Variants in LRBA observed in about 807,000 individuals in gnomAD.
LRBA encodes LPS responsive beige-like anchor protein.
Under a neutral mutation model 330.0 loss-of-function variants are expected in LRBA, and 176 were observed. The observed-to-expected ratio is 0.53, with a 90% CI of 0.47 to 0.60. The LOEUF is 0.60. LRBA is among the 20% of genes least tolerant of loss of function. LRBA has a pLI of 0.00. For missense variants in LRBA, 3,259 were observed against 3,444.8 expected, an observed-to-expected ratio of 0.95 and a Z score of 1.35; for synonymous variants, 1,230 against 1,193.0, an observed-to-expected ratio of 1.03 and a Z score of -0.64.
intron 44 of LRBA, among the ~76,000 whole-genome samples, chr4:150,460,904 G>C (rs72955894): frequency 0.066 from 9,983 of 151,742 alleles, 532 homozygotes; most frequent in East Asian, 0.18. Flanking sequence ...TCTTTTACTA[G>C]GATAGTAATG....
chr4:150,464,754 C>T (rs911152851), intron 44 of LRBA, among the ~76,000 whole-genome samples: 6 of 152,030 alleles, frequency 3.9e-5, no homozygotes, highest in African/African-American at 1.2e-4. Context: ...ATGTGTCAGT[C>T]ACAACCCATC....
intron 47 of LRBA, among the ~76,000 whole-genome samples, chr4:150,413,050 T>C (rs181462280): frequency 1.3e-5 from 2 of 151,942 alleles, no homozygotes; most frequent in East Asian, 3.9e-4. Flanking sequence ...AGGCAAAATA[T>C]TTGAATGGAT....
chr4:150,302,402 A>C (rs1206817237), intron 53 of LRBA, among the ~76,000 whole-genome samples: 2 of 152,186 alleles, frequency 1.3e-5, no homozygotes, highest in Non-Finnish European at 2.9e-5. Flanking sequence ...TTGGATCATA[A>C]GAATAGCCTA....
At position 150,831,901 on chromosome 4, in the gene LRBA, T is replaced by C; in HGVS notation, c.4645A>G (p.Arg1549Gly). The C allele has an allele frequency of 5.6e-6, 9 of 1,604,898 alleles. No individual in the cohort carries two copies. The highest frequency in any genetic ancestry group is 7.7e-6 in the Non-Finnish European group (9 of 1,175,182). The change falls in exon 29 of 57, where the codon AGA (arginine) becomes GGA (glycine). Residue 1549 changes from arginine to glycine, a missense_variant. Physicochemically the swap from Arg to Gly is moderately radical, Grantham distance 125. Coordinates refer to ENST00000651943, the MANE Select transcript of LRBA (RefSeq NM_001364905.1). ...TCATTTTGGGGTTCCAAAATGTCTCTGTACTTGGAGACCATAAGAACAGAG... is the reference window on the plus strand; with the variant it reads ...TCATTTTGGGGTTCCAAAATGTCTCCGTACTTGGAGACCATAAGAACAGAG... ...FISVLMVSKY[R>G]DILEPQNERH...
intron 37 of LRBA, among the ~76,000 whole-genome samples, chr4:150,665,234 G>A (rs1451698056): frequency 6.6e-6 from 1 of 152,154 alleles, no homozygotes; most frequent in Non-Finnish European, 1.5e-5. Context: ...TTTGGGACTG[G>A]TTGCTTAGGG....
intron 40 of LRBA, chr4:150,579,866 C>G (rs1771045374): frequency 2.7e-6 from 1 of 373,970 alleles, no homozygotes; most frequent in Non-Finnish European, 5.4e-6. Flanking sequence ...CCAGACGCAA[C>G]GACGAAGCGA....
intron 17 of LRBA, among the ~76,000 whole-genome samples, chr4:150,879,846 C>T (rs1243178365): frequency 1.3e-5 from 2 of 152,130 alleles, no homozygotes; most frequent in Non-Finnish European, 2.9e-5. Flanking sequence ...CCATACTATT[C>T]CTACAAAACT....
intron 34 of LRBA, among the ~76,000 whole-genome samples, chr4:150,769,519 A>C (rs572890024): frequency 6.6e-6 from 1 of 152,290 alleles, no homozygotes; most frequent in Admixed American, 6.5e-5. Context: ...AGTGAGAAAA[A>C]ACTAAAGTCA....
intron 47 of LRBA, among the ~76,000 whole-genome samples, chr4:150,388,906 A>T (rs1743470944): frequency 6.6e-6 from 1 of 152,204 alleles, no homozygotes; most frequent in African/African-American, 2.4e-5. Flanking sequence ...CAATAGCCAC[A>T]TGTGGCTAGT....
intron 47 of LRBA, among the ~76,000 whole-genome samples, chr4:150,356,137 A>G (rs1490210933): frequency 6.6e-6 from 1 of 152,060 alleles, no homozygotes; most frequent in Admixed American, 6.6e-5. Flanking sequence ...AAGTCCTTTC[A>G]ACTTTTTTAT....
chr4:150,461,989 A>G (rs1754832189), intron 44 of LRBA, among the ~76,000 whole-genome samples: 1 of 151,804 alleles, frequency 6.6e-6, no homozygotes, highest in Non-Finnish European at 1.5e-5. Flanking sequence ...AAGCCCTGGT[A>G]CTGAAAAACT....
intron 34 of LRBA, among the ~76,000 whole-genome samples, chr4:150,770,633 A>C (rs1736434972): frequency 6.6e-6 from 1 of 152,032 alleles, no homozygotes; most frequent in Non-Finnish European, 1.5e-5. Flanking sequence ...ACACAAAATA[A>C]GAAAGAAATG....
intron 37 of LRBA, among the ~76,000 whole-genome samples, chr4:150,624,836 A>T (rs1290028042): frequency 6.6e-6 from 1 of 152,172 alleles, no homozygotes; most frequent in Non-Finnish European, 1.5e-5. Flanking sequence ...GTCAATTAAA[A>T]GTAATTAAGG....
At chr4:150,966,154 A>G (rs1410686439) in intron 2 of LRBA, among the ~76,000 whole-genome samples, 1 of 152,118 alleles carries the variant, frequency 6.6e-6, no homozygotes, top group African/African-American at 2.4e-5. Context: ...GAGAAAGGGA[A>G]GTACATATTG....
intron 37 of LRBA, among the ~76,000 whole-genome samples, chr4:150,655,269 T>C (rs189898731): frequency 4.6e-5 from 7 of 152,360 alleles, no homozygotes; most frequent in Admixed American, 1.3e-4. Context: ...CATATATCCT[T>C]TTCTACCTTG....
rs1336654101 is a variant in LRBA, at chr4:150,652,924, A to G, written c.5921+30627T>C. On this transcript the variant is annotated intron_variant, in intron 37 of 56. Transcript: ENST00000651943. ...CTGTCAGCTTTGTCTATTCATTAGG[A>G]AAATCCATATCAGCTTCTTTCCTAA... Among the ~76,000 whole-genome samples, 7 of 152,342 alleles carry G rather than the reference A, an allele frequency of 4.6e-5. No homozygotes were observed. In the East Asian group the frequency reaches 1.3e-3, roughly 29 times the overall value.
At position 150,339,782 on chromosome 4, in the gene LRBA, G is replaced by A. The variant is rs142947935; in HGVS notation, c.7362+10210C>T. On this transcript the variant is annotated intron_variant, in intron 48 of 56. Coordinates refer to ENST00000651943, the MANE Select transcript of LRBA (RefSeq NM_001364905.1). Reference sequence around the variant, plus strand: ...TTTTGATGATACACAGTATTCTACTGTGTAAATTTACCAATATTTAATTAA... The same window carrying A: ...TTTTGATGATACACAGTATTCTACTATGTAAATTTACCAATATTTAATTAA... 3.5e-4 allele frequency among the ~76,000 whole-genome samples: 53 copies of A among 150,796 alleles called. 2 individuals carry two copies. In the East Asian group the frequency reaches 9.2e-3, roughly 26 times the overall value.
chr4:150,446,638 T>C (rs565653630), intron 44 of LRBA, among the ~76,000 whole-genome samples: 38 of 152,308 alleles, frequency 2.5e-4, no homozygotes, highest in African/African-American at 8.9e-4. Flanking sequence ...CAGACTCTGC[T>C]AAAATAGTCC....
chr4:150,745,174 T>C (rs1048853868), intron 35 of LRBA, among the ~76,000 whole-genome samples: 1 of 152,178 alleles, frequency 6.6e-6, no homozygotes, highest in African/African-American at 2.4e-5. Flanking sequence ...ACCTTTATTG[T>C]AGACTTGTAA....
Sources: allele counts gnomAD v4.1 joint callset (sites outside exome capture counted in the v4.1 genomes callset), GRCh38; gene constraint gnomAD v4.1.1; transcripts MANE v1.5; gene names NCBI Gene and HGNC (gene_info 2026-07-23, HGNC 2026-07-21).